Variants in TAC4 observed in about 807,000 individuals in gnomAD.
TAC4 encodes the protein tachykinin-4.
Under a neutral mutation model 17.7 loss-of-function variants are expected in TAC4, and 17 were observed. The observed-to-expected ratio is 0.96, with a 90% CI of 0.66 to 1.44. The LOEUF (loss-of-function observed/expected upper bound fraction) is 1.44. Among genes scored for constraint, TAC4 ranks in the 40% most tolerant of loss-of-function variants. TAC4 has a pLI of 0.00. For missense variants in TAC4, 118 were observed against 125.6 expected (o/e 0.94, Z 0.29); for synonymous variants, 62 against 52.4 (o/e 1.18, Z -0.79).
chr17:49,847,957 C>G lies in TAC4; in HGVS notation c.61G>C (p.Asp21His). Residue 21 changes from aspartate (D) to histidine (H), a missense_variant, in exon 1 of 5, where the codon GAT becomes CAT. Transcript: ENST00000436235. ...CTGAGTGTCTGTTCCTCTCCACCAT[C>G]ACCTGCCACAGTGCACACGGACAGC... ...MELSVCTVAG[D>H]GGEEQTLSTE... is the part of the protein sequence containing the mutation. The G allele has an allele frequency of 6.2e-7, 1 of 1,614,220 alleles. No individual in the cohort carries two copies. The highest frequency in any genetic ancestry group is 1.3e-5 in the African/African-American group (1 of 75,058).
chr17:49,847,252 C>T, intron 1 of TAC4: 1 of 1,289,554 alleles, frequency 7.8e-7, no homozygotes, highest in Non-Finnish European at 1.0e-6. Context: ...CCGTCTTTGT[C>T]TCTGGCTTGT....
At chr17:49,841,429 G>T in intron 3 of TAC4, 123 bp downstream of exon 3, 1 of 1,037,270 alleles carries the variant, frequency 9.6e-7, no homozygotes, top group Non-Finnish European at 1.3e-6. Context: ...CCTCTGCACA[G>T]CAATGCCAGC....
At chr17:49,841,203 T>A (rs1598102354) in intron 3 of TAC4, among the ~76,000 whole-genome samples, 1 of 151,696 alleles carries the variant, frequency 6.6e-6, no homozygotes, top group East Asian at 1.9e-4. Flanking sequence ...ACTTTTAAGA[T>A]CATCTGGTGA....
rs1488435112 is a variant in TAC4, at chr17:49,841,599, A to C, written c.200-15T>G. On this transcript the variant is annotated splice_polypyrimidine_tract_variant and intron_variant, in intron 2 of 4. Transcript: ENST00000436235. The stretch of plus-strand genomic sequence containing the variant: ...CAGAGGTCTTCCTGGGGGAAGGAGA[A>C]GGAATGAGGACTACGGACTGCACTG... 1 of 1,568,248 alleles carries C rather than the reference A, an allele frequency of 6.4e-7. No individual in the cohort carries two copies. The highest frequency in any genetic ancestry group is 8.6e-7 in the Non-Finnish European group (1 of 1,158,532).
At chr17:49,839,955 T>A in intron 3 of TAC4, 46 bp from the exon 4 acceptor site, 1 of 1,595,908 alleles carries the variant, frequency 6.3e-7, no homozygotes, top group Non-Finnish European at 8.6e-7. Flanking sequence ...GCAGCAGAGG[T>A]AGGCTGTTTT....
intron 3 of TAC4, among the ~76,000 whole-genome samples, chr17:49,840,691 CAG>C (rs1015557489): frequency 5.3e-5 from 8 of 151,682 alleles, no homozygotes; most frequent in African/African-American, 1.9e-4. Flanking sequence ...TTAGTAGAGA[CAG>C]GGTTTCACCA....
intron 1 of TAC4, chr17:49,846,340 A>G: frequency 1.2e-6 from 1 of 838,126 alleles, no homozygotes; most frequent in South Asian, 1.5e-5. Context: ...GCAGCAGCAC[A>G]AGCACGACTC....
chr17:49,841,341 C>G (rs1308692326), intron 3 of TAC4, among the ~76,000 whole-genome samples: 1 of 151,210 alleles, frequency 6.6e-6, no homozygotes, highest in East Asian at 1.9e-4. Flanking sequence ...TATTCCTATC[C>G]CTGCAGCCGC....
intron 1 of TAC4, chr17:49,845,939 G>A (rs2074534994): frequency 4.5e-6 from 1 of 221,402 alleles, no homozygotes; most frequent in Non-Finnish European, 9.1e-6. Flanking sequence ...GCCTGGCCAA[G>A]AACTGGAAAA....
intron 3 of TAC4, 33 bp downstream of exon 3, chr17:49,841,519 G>A: frequency 6.4e-7 from 1 of 1,558,620 alleles, no homozygotes; most frequent in Non-Finnish European, 8.7e-7. Context: ...CTCCCTAGGG[G>A]GCATGTTGAA....
Position 49,838,680 on chromosome 17 carries a change from A to T in TAC4, c.293-7T>A, listed in dbSNP as rs1436360549. The T allele has an allele frequency of 6.2e-7, 1 of 1,612,550 alleles. No individual in the cohort carries two copies. Among genetic ancestry groups the T allele is most frequent in the African/African-American group, 1.3e-5 (1 of 74,708 alleles). ...TGGGCCTCATCCTCTCTGCCTGGGG[A>T]GAGTTTGGTATATGAACCATGGTTA... On this transcript the variant is annotated splice_region_variant and splice_polypyrimidine_tract_variant and intron_variant, in intron 4 of 4. Coordinates refer to ENST00000436235, the MANE Select transcript of TAC4 (RefSeq NM_001077506.2).
At chr17:49,844,011 C>T (rs1666090720) in intron 2 of TAC4, 53 bp downstream of exon 2, 7 of 1,554,418 alleles carry the variant, frequency 4.5e-6, no homozygotes, top group Admixed American at 1.7e-5. Context: ...CTTTATGTTG[C>T]AGAACCCACT....
intron 2 of TAC4, among the ~76,000 whole-genome samples, chr17:49,843,452 C>T (rs2074513063): frequency 6.6e-6 from 1 of 152,236 alleles, no homozygotes; most frequent in Admixed American, 6.5e-5. Flanking sequence ...CCAGAGTCAT[C>T]CAGAGCATGG....
At chr17:49,844,601 T>C (rs893600287) in intron 1 of TAC4, among the ~76,000 whole-genome samples, 20 of 151,956 alleles carry the variant, frequency 1.3e-4, no homozygotes, top group African/African-American at 3.9e-4. Flanking sequence ...CTAATAAAAA[T>C]ACAAAAATTA....
chr17:49,847,868 C>G (rs2074557289), intron 1 of TAC4, 45 bp downstream of exon 1: 1 of 1,613,520 alleles, frequency 6.2e-7, no homozygotes, highest in Non-Finnish European at 8.5e-7. Flanking sequence ...ATCCCCTGCC[C>G]TCGTCAGAGC....
At position 49,844,085 on chromosome 17, in the gene TAC4, G is replaced by A. The variant is rs1460576282; in HGVS notation, c.178C>T (p.Leu60=). The A allele has an allele frequency of 1.2e-6, 2 of 1,613,942 alleles. No homozygotes were observed. Among genetic ancestry groups the A allele is most frequent in the Non-Finnish European group, 1.7e-6 (2 of 1,179,818 alleles). The change falls in exon 2 of 5, where the codon CTG becomes TTG. Residue 60 remains leucine (L), a synonymous_variant. Coordinates refer to ENST00000436235, the MANE Select transcript of TAC4 (RefSeq NM_001077506.2). The stretch of plus-strand genomic sequence containing the variant: ...TCACCTCCCACTCGCTTCCCCATCA[G>A]CCCAAAGAACTGGCTTGCCTTGCCC... ...KTGKASQFFG[L]MGKRVGGRPL...
intron 2 of TAC4, among the ~76,000 whole-genome samples, chr17:49,841,819 C>T (rs1242645015): frequency 6.6e-6 from 1 of 151,386 alleles, no homozygotes; most frequent in Non-Finnish European, 1.5e-5. Flanking sequence ...GCTGGGTGGG[C>T]ATCCTTGGGA....
At chr17:49,845,781 T>A (rs572807257) in intron 1 of TAC4, 2 of 153,494 alleles carry the variant, frequency 1.3e-5, no homozygotes, top group Non-Finnish European at 2.9e-5. Flanking sequence ...CCCTCTTGTC[T>A]CTCACAACTT....
Position 49,838,506 on chromosome 17 carries a change from T to C in TAC4, c.*136A>G. ...CCAGGAAGAAGCCCAGTGGGTTCAG[T>C]GTGGGCCTTGTGTGAAGTGCCAGCG... is the stretch of plus-strand genomic sequence containing the variant. On this transcript the variant is annotated 3_prime_UTR_variant, in exon 5 of 5. Transcript: ENST00000436235. 1 of 1,043,164 alleles carries C rather than the reference T, an allele frequency of 9.6e-7. No homozygotes were observed. The highest frequency in any genetic ancestry group is 1.3e-5 in the South Asian group (1 of 74,784). The allele number at this position is 1,043,164 out of a possible 1,614,324, so 64.6% of individuals were successfully genotyped here. A position where few individuals can be genotyped will look rare whatever the true frequency, so the allele number is the denominator to read the frequency against.
Sources: gnomAD v4.1 joint callset for allele counts (sites outside exome capture counted in the v4.1 genomes callset) on GRCh38, gnomAD v4.1.1 for gene constraint, MANE v1.5 for transcripts, NCBI Gene and HGNC (gene_info 2026-07-23, HGNC 2026-07-21) for gene names.